Variants in STK31 observed in about 807,000 individuals in gnomAD.
STK31 encodes the protein serine/threonine kinase 31.
STK31 carries 89 observed loss-of-function variants against 129.7 expected under a neutral mutation model. That is an observed-to-expected ratio of 0.69 (90% confidence interval 0.58 to 0.82). The LOEUF (loss-of-function observed/expected upper bound fraction) is 0.82, where lower values mean the gene tolerates loss of function less well. Among genes scored for constraint, STK31 ranks in the 40% least tolerant of loss-of-function variants. STK31 has a pLI of 0.00. For synonymous variants in STK31, 448 were observed against 395.3 expected, an observed-to-expected ratio of 1.13 and a Z score of -1.58; for missense variants, 1,187 against 1,176.4, an observed-to-expected ratio of 1.01 and a Z score of -0.13.
chr7:23,821,627 C>T (rs1326298844), intron 23 of STK31, among the ~76,000 whole-genome samples: 1 of 152,048 alleles, frequency 6.6e-6, no homozygotes, highest in Non-Finnish European at 1.5e-5. Flanking sequence ...TGATTATTTC[C>T]TTTGCTGTGC....
intron 4 of STK31, 83 bp from the exon 5 acceptor site, chr7:23,727,158 A>C (rs1787137272): frequency 9.3e-7 from 1 of 1,072,928 alleles, no homozygotes; most frequent in African/African-American, 1.6e-5. Flanking sequence ...GACATATAGG[A>C]AGAGCTTAAA....
chr7:23,820,883 A>G (rs1793751292), intron 23 of STK31, among the ~76,000 whole-genome samples: 1 of 151,954 alleles, frequency 6.6e-6, no homozygotes, highest in Non-Finnish European at 1.5e-5. Context: ...AGTATTCCAC[A>G]TTTTCTTTAT....
At chr7:23,737,827 AT>A (rs1171305231) in intron 8 of STK31, among the ~76,000 whole-genome samples, 3 of 151,402 alleles carry the variant, frequency 2.0e-5, no homozygotes, top group Non-Finnish European at 4.4e-5. Flanking sequence ...TAGTTCAGAA[AT>A]TTTCCCCCCC....
intron 10 of STK31, among the ~76,000 whole-genome samples, chr7:23,762,284 C>A (rs1011353751): frequency 1.1e-4 from 16 of 142,912 alleles, no homozygotes; most frequent in Non-Finnish European, 2.4e-4. Context: ...TCCTTTCTTT[C>A]TTTCTTGGGT....
Position 23,772,262 on chromosome 7 carries a change from A to G in STK31, c.1949A>G (p.Lys650Arg). The change falls in exon 15 of 24, where the codon AAG (lysine) becomes AGG (arginine). Residue 650 changes from lysine (K) to arginine (R), a missense_variant. Physicochemically the swap from Lys to Arg is conservative, Grantham distance 26. Around this residue, in one of 5 missense-constraint regions of STK31, gnomAD observed 975 missense variants for 934.9 expected, o/e 1.04. Transcript: ENST00000355870. ...KALLRWKLVE[K>R]SNLEESDDPD... ...CTACTCAGATGGAAATTGGTTGAAA[A>G]GAGTAATTTGGAAGAGGTAAGGAAA... 6.2e-7 allele frequency: 1 copy of G among 1,604,846 alleles called. No individual in the cohort carries two copies. Among genetic ancestry groups the G allele is most frequent in the Non-Finnish European group, 8.5e-7 (1 of 1,177,028 alleles).
intron 23 of STK31, among the ~76,000 whole-genome samples, chr7:23,822,331 C>G (rs1351814616): frequency 2.0e-5 from 3 of 151,988 alleles, no homozygotes; most frequent in African/African-American, 7.2e-5. Context: ...TTGTAGCTTT[C>G]TTTGTAGATA....
At chr7:23,728,415 A>G (rs1787215355) in intron 5 of STK31, among the ~76,000 whole-genome samples, 1 of 152,010 alleles carries the variant, frequency 6.6e-6, no homozygotes, top group Non-Finnish European at 1.5e-5. Flanking sequence ...AAAAAATTTC[A>G]TTTTTTGCTG....
rs751693855 is a variant in STK31 at position 23,749,516 on chromosome 7, CTTTT to C, written c.1018-3189_1018-3186del. On this transcript the variant is annotated intron_variant, in intron 8 of 23. Transcript: ENST00000355870. ...CACCACCATGCCTGGCTAATTTTTG[CTTTT>C]TTTTTTTTTTTGGGGGTAGAGACCA... Among the ~76,000 whole-genome samples, 118 of 130,760 alleles carry C rather than the reference CTTTT, an allele frequency of 9.0e-4. 1 individual carries two copies. The highest frequency in any genetic ancestry group is 7.9e-3 in the Middle Eastern group (2 of 254). The allele number at this position is 130,760 out of a possible 152,430, so 85.8% of individuals were successfully genotyped here. A position where few individuals can be genotyped will look rare whatever the true frequency, so the allele number is the denominator to read the frequency against.
At chr7:23,721,850 C>A in intron 4 of STK31, 2 of 489,934 alleles carry the variant, frequency 4.1e-6, no homozygotes, top group South Asian at 4.1e-5. Context: ...GATACCCTTT[C>A]TTCCACTTGA....
At chr7:23,749,174 A>G (rs1302563789) in intron 8 of STK31, among the ~76,000 whole-genome samples, 2 of 152,144 alleles carry the variant, frequency 1.3e-5, no homozygotes, top group Admixed American at 6.5e-5. Context: ...ACTACATGCT[A>G]TCTACTTTCT....
intron 5 of STK31, chr7:23,727,550 T>C: frequency 3.3e-6 from 1 of 298,848 alleles, no homozygotes; most frequent in Admixed American, 5.7e-5. Context: ...TATTTTTACC[T>C]CAGTTCTTTT....
chr7:23,743,586 A>G (rs912971193), intron 8 of STK31, among the ~76,000 whole-genome samples: 1 of 152,144 alleles, frequency 6.6e-6, no homozygotes, highest in Non-Finnish European at 1.5e-5. Context: ...GACTTTTGAC[A>G]GGTTGACTGT....
intron 8 of STK31, among the ~76,000 whole-genome samples, chr7:23,747,615 G>A (rs1030579963): frequency 2.0e-5 from 3 of 152,078 alleles, no homozygotes; most frequent in Admixed American, 6.5e-5. Flanking sequence ...TGATCCACCC[G>A]CCTCGGCCTC....
At position 23,739,062 on chromosome 7, in the gene STK31, G is replaced by A. The variant is rs574976563; in HGVS notation, c.1017+1984G>A. ...TTGAGGAATTGCCACACTGTCTTCC[G>A]CAATGGTTGAACTAATTCATACTCC... On this transcript the variant is annotated intron_variant, in intron 8 of 23. Transcript: ENST00000355870. Among the ~76,000 whole-genome samples the A allele has an allele frequency of 8.5e-4, 130 of 152,234 alleles. 1 individual carries two copies. Among genetic ancestry groups the A allele is most frequent in the African/African-American group, 3.0e-3 (126 of 41,544 alleles).
At chr7:23,815,307 A>C in intron 23 of STK31, 95 bp downstream of exon 23, 2 of 880,884 alleles carry the variant, frequency 2.3e-6, no homozygotes, top group East Asian at 2.8e-5. Context: ...TTTTCTAAGA[A>C]TCCAAATTAA....
At chr7:23,762,997 A>G (rs1159026061) in intron 11 of STK31, 74 bp downstream of exon 11, 2 of 1,314,348 alleles carry the variant, frequency 1.5e-6, no homozygotes, top group Admixed American at 3.1e-5. Flanking sequence ...CATTTACCTT[A>G]AGACTTTAGA....
intron 23 of STK31, among the ~76,000 whole-genome samples, chr7:23,822,888 T>C (rs1793878251): frequency 6.6e-6 from 1 of 152,164 alleles, no homozygotes; most frequent in Non-Finnish European, 1.5e-5. Context: ...AGAATGATGG[T>C]TTCCAGCTTC....
At chr7:23,743,075 C>T (rs1226566763) in intron 8 of STK31, among the ~76,000 whole-genome samples, 1 of 151,838 alleles carries the variant, frequency 6.6e-6, no homozygotes, top group African/African-American at 2.4e-5. Flanking sequence ...ACTTCAGCCC[C>T]CTGAGTAGCT....
At chr7:23,764,992 CG>C (rs1285857917) in intron 11 of STK31, among the ~76,000 whole-genome samples, 3 of 151,596 alleles carry the variant, frequency 2.0e-5, no homozygotes, top group African/African-American at 7.3e-5. Flanking sequence ...CTTTTAAGTT[CG>C]TATCCCACCT....
Sources: allele counts gnomAD v4.1 joint callset (sites outside exome capture counted in the v4.1 genomes callset), GRCh38; gene constraint gnomAD v4.1.1; regional missense constraint gnomAD v4.1.1; transcripts MANE v1.5; gene names NCBI Gene and HGNC (gene_info 2026-07-23, HGNC 2026-07-21).